VTI1A: variants seen among roughly 807,000 people sequenced by gnomAD.
VTI1A encodes vesicle transport through interaction with t-SNAREs 1A.
A neutral mutation model predicts 34.9 loss-of-function variants in VTI1A; 22 were observed. The observed-to-expected ratio is 0.63, with a 90% CI of 0.45 to 0.90. The LOEUF (loss-of-function observed/expected upper bound fraction) is 0.90, where lower values mean the gene tolerates loss of function less well. VTI1A is among the 40% of genes least tolerant of loss of function. The pLI is 0.00. For synonymous variants in VTI1A, 87 were observed against 97.3 expected, an observed-to-expected ratio of 0.89 and a Z score of 0.62; for missense variants, 268 against 275.6, an observed-to-expected ratio of 0.97 and a Z score of 0.20.
At chr10:112,462,783 G>GCC (rs1847767569) in intron 2 of VTI1A, among the ~76,000 whole-genome samples, 1 of 152,328 alleles carries the variant, frequency 6.6e-6, no homozygotes, top group Admixed American at 6.5e-5. Context: ...TGATAAGCTG[G>GCC]TAGGGTTCCG....
chr10:112,612,162 A>C (rs945495268), intron 5 of VTI1A, among the ~76,000 whole-genome samples: 1 of 152,152 alleles, frequency 6.6e-6, no homozygotes, highest in African/African-American at 2.4e-5. Flanking sequence ...CAGGATTTTC[A>C]TGTGACTAAA....
chr10:112,629,488 AATCTT>A, intron 5 of VTI1A, among the ~76,000 whole-genome samples: 1 of 152,214 alleles, frequency 6.6e-6, no homozygotes, highest in African/African-American at 2.4e-5. Flanking sequence ...GAAGAAACAG[AATCTT>A]TTAAAAACAG....
At chr10:112,590,782 T>C (rs1398647353) in intron 5 of VTI1A, among the ~76,000 whole-genome samples, 6 of 152,124 alleles carry the variant, frequency 3.9e-5, no homozygotes. Context: ...TAATAATTAA[T>C]GTATAGTGAG....
intron 5 of VTI1A, among the ~76,000 whole-genome samples, chr10:112,559,127 G>GA (rs1286101659): frequency 1.3e-5 from 2 of 152,044 alleles, no homozygotes; most frequent in African/African-American, 2.4e-5. Flanking sequence ...AAAGGAATAG[G>GA]AAAAAAATGT....
At chr10:112,613,140 G>A (rs12245585) in intron 5 of VTI1A, among the ~76,000 whole-genome samples, 3 of 151,932 alleles carry the variant, frequency 2.0e-5, no homozygotes, top group Non-Finnish European at 2.9e-5. Context: ...AGACTTTGCC[G>A]AATGGGGAGA....
intron 1 of VTI1A, among the ~76,000 whole-genome samples, chr10:112,454,334 C>T (rs550552654): frequency 2.2e-4 from 33 of 152,286 alleles, no homozygotes; most frequent in African/African-American, 7.7e-4. Flanking sequence ...GCACTAAGAA[C>T]TTCTATTGAG....
At chr10:112,667,245 T>C (rs1326377100) in intron 5 of VTI1A, among the ~76,000 whole-genome samples, 1 of 152,024 alleles carries the variant, frequency 6.6e-6, no homozygotes, top group Non-Finnish European at 1.5e-5. Context: ...AAAGAGACAA[T>C]GCAAGAGGGA....
chr10:112,606,029 C>CTTTTTTTTT (rs67139785), intron 5 of VTI1A, among the ~76,000 whole-genome samples: 2 of 139,164 alleles, frequency 1.4e-5, no homozygotes, highest in Middle Eastern at 3.6e-3. Flanking sequence ...TTCTTTTTTT[C>CTTTTTTTTT]TTTTTTTTTT....
intron 7 of VTI1A, among the ~76,000 whole-genome samples, chr10:112,775,101 G>A (rs1208030574): frequency 1.3e-5 from 2 of 152,176 alleles, no homozygotes; most frequent in Admixed American, 1.3e-4. Flanking sequence ...TTGTGACTCT[G>A]CTTAAAGACC....
intron 5 of VTI1A, among the ~76,000 whole-genome samples, chr10:112,583,360 T>C (rs1026744081): frequency 2.2e-4 from 33 of 152,206 alleles, no homozygotes; most frequent in Admixed American, 6.5e-5. Flanking sequence ...AGGCCATTTC[T>C]CTGTTGGATA....
chr10:112,708,999 G>A (rs1453159167), intron 7 of VTI1A, among the ~76,000 whole-genome samples: 1 of 152,192 alleles, frequency 6.6e-6, no homozygotes, highest in Non-Finnish European at 1.5e-5. Context: ...CTGAATCTAT[G>A]GACTTGCTGG....
intron 5 of VTI1A, among the ~76,000 whole-genome samples, chr10:112,610,681 C>T (rs1845263796): frequency 6.6e-6 from 1 of 152,144 alleles, no homozygotes; most frequent in Admixed American, 6.5e-5. Flanking sequence ...CTTTGGGAGG[C>T]CGAGGCGGGC....
intron 7 of VTI1A, among the ~76,000 whole-genome samples, chr10:112,697,866 ATGTGTGTGTGTGTGTGTGTGTGTGTG>A (rs67142519): frequency 1.5e-5 from 2 of 134,824 alleles, no homozygotes; most frequent in African/African-American, 2.6e-5. Context: ...TAGCATTTAC[ATGTGTGTGTGTGTGTGTGTGTGTGTG>A]TGTGTGTGTG....
chr10:112,697,638 C>T (rs948368523), intron 7 of VTI1A, among the ~76,000 whole-genome samples: 2 of 151,882 alleles, frequency 1.3e-5, no homozygotes, highest in South Asian at 2.1e-4. Context: ...TCAGGTGATC[C>T]GCCCACCTCA....
intron 5 of VTI1A, among the ~76,000 whole-genome samples, chr10:112,628,748 A>G (rs1204616638): frequency 2.0e-5 from 3 of 152,152 alleles, no homozygotes; most frequent in African/African-American, 4.8e-5. Flanking sequence ...ACTATATTTT[A>G]TCTTTTAAAT....
At chr10:112,818,791 T>C (rs772150829), downstream of VTI1A, 46 of 154,262 alleles carry the variant, frequency 3.0e-4, no homozygotes, top group Non-Finnish European at 5.1e-4. Flanking sequence ...AAACATTAGC[T>C]GTGTCATGTG....
At chr10:112,689,263 G>A (rs1211440857) in intron 7 of VTI1A, among the ~76,000 whole-genome samples, 1 of 152,166 alleles carries the variant, frequency 6.6e-6, no homozygotes, top group East Asian at 1.9e-4. Flanking sequence ...ACTGAACTTG[G>A]GTTAAGGCTC....
At position 112,499,970 on chromosome 10, in the gene VTI1A, T is replaced by G. The variant is rs1849168559; in HGVS notation, c.265-27117T>G. On this transcript the variant is annotated intron_variant, in intron 3 of 7. Coordinates refer to ENST00000393077, the MANE Select transcript of VTI1A (RefSeq NM_145206.4). ...TCTTCAGTCAAGTCCTCCTGTCTGT[T>G]TTCCACTTTGAGTTGAGAGGAAACT... Among the ~76,000 whole-genome samples the G allele has an allele frequency of 2.0e-5, 3 of 152,176 alleles. 1 individual carries two copies. The South Asian group carries it at 6.2e-4, about 32-fold the overall frequency.
chr10:112,640,533 TG>T lies in VTI1A; in HGVS notation c.428-27682del, dbSNP rs940099171. Among the ~76,000 whole-genome samples the T allele has an allele frequency of 6.0e-5, 9 of 150,274 alleles. No individual in the cohort carries two copies. In the South Asian group the frequency reaches 8.4e-4, roughly 14 times the overall value. On this transcript the variant is annotated intron_variant, in intron 5 of 7. Coordinates refer to ENST00000393077, the MANE Select transcript of VTI1A (RefSeq NM_145206.4). ...GTGGGTAAGGAGGATCTCAACAATC[TG>T]GGAAAAAAAACAAACAACAACAACA...
Sources: allele counts gnomAD v4.1 joint callset (sites outside exome capture counted in the v4.1 genomes callset), GRCh38; gene constraint gnomAD v4.1.1; transcripts MANE v1.5; gene names NCBI Gene and HGNC (gene_info 2026-07-23, HGNC 2026-07-21).